ATP13A3: variants seen among roughly 807,000 people sequenced by gnomAD.
ATP13A3 encodes the protein ATPase 13A3.
Under a neutral mutation model 158.1 loss-of-function variants are expected in ATP13A3, and 59 were observed. The observed-to-expected ratio is 0.37, with a 90% CI of 0.30 to 0.46. The LOEUF is 0.46. Ranked by LOEUF, ATP13A3 falls within the 20% of genes least tolerant of loss-of-function variation. The probability of loss-of-function intolerance (pLI) is 1.00; values close to 1 mark genes in which losing one functional copy is unlikely to be tolerated. For synonymous variants in ATP13A3, 491 were observed against 504.3 expected (o/e 0.97, Z 0.35); for missense variants, 1,166 against 1,525.2 (o/e 0.76, Z 3.92).
chr3:194,429,347 C>T (rs927483150), intron 27 of ATP13A3, among the ~76,000 whole-genome samples: 2 of 152,108 alleles, frequency 1.3e-5, no homozygotes, highest in Non-Finnish European at 2.9e-5. Context: ...TTTCTACAAA[C>T]GGTCAAATGG....
Position 194,419,959 on chromosome 3 carries a change from C to G in ATP13A3, c.3322G>C (p.Val1108Leu). Residue 1108 changes from valine (V) to leucine (L), a missense_variant, in exon 31 of 34, where the codon GTT (valine) becomes CTT (leucine). Val to Leu is a conservative substitution (Grantham distance 32). Transcript: ENST00000645319. ...ATATATAAAAAAATCACAGAAAAAA[C>G]AAAAAAATCTGGAAAAGACAGCAAA... ...RQPCYKNYFF[V>L]FSVIFLYIFI... is the part of the protein sequence containing the mutation. 14 of 1,519,338 alleles carry G rather than the reference C, an allele frequency of 9.2e-6. No individual in the cohort carries two copies. The highest frequency in any genetic ancestry group is 1.1e-5 in the Non-Finnish European group (13 of 1,144,032). 94.1% of individuals were successfully genotyped at this position (1,519,338 alleles called of 1,614,324 possible).
At chr3:194,433,232 CTTTTTTTTTTT>C (rs71637136) in intron 21 of ATP13A3, among the ~76,000 whole-genome samples, 6 of 113,628 alleles carry the variant, frequency 5.3e-5, no homozygotes, top group Non-Finnish European at 1.1e-4. Flanking sequence ...TTTTACTATT[CTTTTTTTTTTT>C]TTTTTTTTTT....
At chr3:194,424,171 T>C (rs1716591992) in intron 30 of ATP13A3, among the ~76,000 whole-genome samples, 1 of 151,854 alleles carries the variant, frequency 6.6e-6, no homozygotes, top group Non-Finnish European at 1.5e-5. Context: ...CTTAGTAACA[T>C]AGTTATTAGT....
intron 2 of ATP13A3, 46 bp from the exon 3 acceptor site, chr3:194,462,282 T>A: frequency 8.1e-7 from 1 of 1,228,740 alleles, no homozygotes; most frequent in Non-Finnish European, 1.2e-6. Flanking sequence ...TCTTCTATCT[T>A]AGTAGACGAT....
In ATP13A3 at chr3:194,441,373, T is replaced by C; in HGVS notation, c.1648A>G (p.Lys550Glu). The change falls in exon 16 of 34, where the codon AAA becomes GAA. Residue 550 changes from lysine to glutamate, a missense_variant. Lys to Glu is a moderately conservative substitution (Grantham distance 56). This residue lies in a region of ATP13A3 where 997 missense variants were observed against 1,341.2 expected (regional missense o/e 0.74). Coordinates refer to ENST00000645319, the MANE Select transcript of ATP13A3 (RefSeq NM_001367549.1). ...ACMATCHSLT[K>E]IEGVLSGDPL... The stretch of plus-strand genomic sequence containing the variant: ...TCACCAGAGAGCACTCCTTCAATTT[T>C]TGTAAGTGAATGACAAGTAGCCATA... 6.2e-7 allele frequency: 1 copy of C among 1,613,852 alleles called. No individual in the cohort carries two copies. The highest frequency in any genetic ancestry group is 8.5e-7 in the Non-Finnish European group (1 of 1,179,788).
intron 30 of ATP13A3, among the ~76,000 whole-genome samples, chr3:194,421,996 C>G (rs1000891781): frequency 6.1e-5 from 9 of 146,618 alleles, no homozygotes; most frequent in Non-Finnish European, 1.2e-4. Context: ...TTACATCTAC[C>G]TAAACAATGT....
chr3:194,472,174 C>T (rs1720336340), intron 2 of ATP13A3: 1 of 155,546 alleles, frequency 6.4e-6, no homozygotes. Context: ...AACTCTGCAC[C>T]GTAGCCATTT....
rs772008929 is a variant in ATP13A3 at position 194,410,296 on chromosome 3, C to CAAAAAAAAAAAAA, written c.3573+1890_3573+1902dup. ...GCAACATGGCAAAACCTCCTCTCTG[C>CAAAAAAAAAAAAA]AAAAAAAAAAAAAAAAAAAAAAAAA... On this transcript the variant is annotated intron_variant, in intron 33 of 33. Coordinates refer to ENST00000645319, the MANE Select transcript of ATP13A3 (RefSeq NM_001367549.1). 3.7e-4 allele frequency among the ~76,000 whole-genome samples: 8 copies of CAAAAAAAAAAAAA among 21,820 alleles called. 3 individuals carry two copies. The highest frequency in any genetic ancestry group is 3.8e-4 in the Non-Finnish European group (5 of 12,988). The allele number at this position is 21,820 out of a possible 152,430, so 14.3% of individuals were successfully genotyped here. A position where few individuals can be genotyped will look rare whatever the true frequency, so the allele number is the denominator to read the frequency against.
At chr3:194,455,003 G>A (rs952647962) in intron 8 of ATP13A3, among the ~76,000 whole-genome samples, 1 of 152,172 alleles carries the variant, frequency 6.6e-6, no homozygotes, top group African/African-American at 2.4e-5. Context: ...TCTGCAATCT[G>A]CTTTGGCAAT....
chr3:194,481,926 C>T (rs926858024), intron 2 of ATP13A3, among the ~76,000 whole-genome samples: 2 of 152,162 alleles, frequency 1.3e-5, no homozygotes, highest in Admixed American at 6.5e-5. Flanking sequence ...GCGGTCTTGA[C>T]GTTTACTATT....
intron 6 of ATP13A3, among the ~76,000 whole-genome samples, chr3:194,458,309 C>T (rs1466831477): frequency 6.6e-6 from 1 of 151,326 alleles, no homozygotes; most frequent in East Asian, 1.9e-4. Context: ...TTGATGACTT[C>T]TCCAGAAGGC....
intron 18 of ATP13A3, 24 bp downstream of exon 18, chr3:194,437,532 A>G (rs1341155694): frequency 1.2e-6 from 2 of 1,611,682 alleles, no homozygotes; most frequent in Admixed American, 3.3e-5. Flanking sequence ...TATACTTAGT[A>G]AGAAGTAAAC....
At chr3:194,490,311 C>T (rs749168230), upstream of ATP13A3, among the ~76,000 whole-genome samples, 2 of 152,240 alleles carry the variant, frequency 1.3e-5, no homozygotes, top group Non-Finnish European at 2.9e-5. This position sits in a 1 kb window ranked among gnomAD's most constrained non-coding sequence, Gnocchi z 4.4. Flanking sequence ...AAAATGACCA[C>T]TGTTAGGCCA....
intron 16 of ATP13A3, 73 bp from the exon 17 acceptor site, chr3:194,439,045 G>T: frequency 1.0e-6 from 1 of 962,342 alleles, no homozygotes; most frequent in Non-Finnish European, 1.5e-6. Flanking sequence ...CTGAATTCAT[G>T]GTTCCATTTT....
At chr3:194,435,831 C>T (rs1002991027) in intron 20 of ATP13A3, among the ~76,000 whole-genome samples, 11 of 152,076 alleles carry the variant, frequency 7.2e-5, no homozygotes, top group Non-Finnish European at 1.3e-4. Flanking sequence ...CGCTTGAACC[C>T]GGGAGGCGGG....
At position 194,403,812 on chromosome 3, in the gene ATP13A3, A is replaced by G. The variant is rs1406234547; in HGVS notation, c.*2107T>C. ...ACCCACCTTGTCTATATTCAAATCT[A>G]ACTTCCTACAAATGCTTTTCCAGCC... On this transcript the variant is annotated 3_prime_UTR_variant, in exon 34 of 34. Transcript: ENST00000645319. The G allele has an allele frequency of 4.7e-5, 11 of 232,282 alleles. No homozygotes were observed. Among genetic ancestry groups the G allele is most frequent in the Non-Finnish European group, 9.4e-5 (11 of 116,814 alleles). 14.4% of individuals were successfully genotyped at this position (232,282 alleles called of 1,614,324 possible).
chr3:194,468,932 G>C (rs1407778535), intron 2 of ATP13A3, among the ~76,000 whole-genome samples: 2 of 152,170 alleles, frequency 1.3e-5, no homozygotes, highest in Non-Finnish European at 2.9e-5. Context: ...TCAGGAGTTT[G>C]AGACCAGCGT....
intron 2 of ATP13A3, among the ~76,000 whole-genome samples, chr3:194,482,999 C>T (rs150192747): frequency 0.018 from 2,653 of 150,750 alleles, 83 homozygotes; most frequent in African/African-American, 0.062. Flanking sequence ...CCCAGCTACT[C>T]GGAAAGCTGA....
At chr3:194,461,146 A>G (rs1560106646) in intron 3 of ATP13A3, among the ~76,000 whole-genome samples, 1 of 152,144 alleles carries the variant, frequency 6.6e-6, no homozygotes, top group Non-Finnish European at 1.5e-5. Context: ...TCATTGTTAC[A>G]TATCTTTTTA....
Sources: gnomAD v4.1 joint callset for allele counts (sites outside exome capture counted in the v4.1 genomes callset) on GRCh38, gnomAD v4.1.1 for gene constraint, gnomAD v4.1.1 regional missense constraint, Gnocchi (gnomAD v3.1) non-coding constraint, MANE v1.5 for transcripts, NCBI Gene and HGNC (gene_info 2026-07-23, HGNC 2026-07-21) for gene names.